Variants in SLC6A11 observed in about 807,000 individuals in gnomAD.
The protein encoded by SLC6A11 is sodium- and chloride-dependent GABA transporter 3.
A neutral mutation model predicts 74.8 loss-of-function variants in SLC6A11; 25 were observed. That is an observed-to-expected ratio of 0.33 (90% CI 0.24 to 0.47). SLC6A11 has a LOEUF of 0.47. SLC6A11 is among the 20% of genes least tolerant of loss of function. The pLI is 1.00. For missense variants in SLC6A11, 574 were observed against 837.0 expected, an observed-to-expected ratio of 0.69 and a Z score of 3.88; for synonymous variants, 330 against 330.2, an observed-to-expected ratio of 1.00 and a Z score of 0.01.
At chr3:10,821,667 G>T (rs934239332) in intron 3 of SLC6A11, among the ~76,000 whole-genome samples, 1 of 151,958 alleles carries the variant, frequency 6.6e-6, no homozygotes, top group Middle Eastern at 3.2e-3. Context: ...TAGTATAGTT[G>T]GTATTTAATT....
At chr3:10,907,971 A>G (rs62238740) in intron 6 of SLC6A11, among the ~76,000 whole-genome samples, 34,507 of 152,094 alleles carry the variant, frequency 0.23, 4,433 homozygotes, top group Admixed American at 0.4. Context: ...CACATTAAGT[A>G]ATGACTATAA....
chr3:10,912,943 G>A (rs745645933), intron 7 of SLC6A11, among the ~76,000 whole-genome samples: 5 of 152,100 alleles, frequency 3.3e-5, no homozygotes, highest in East Asian at 3.8e-4. Context: ...GATGGACAGC[G>A]CATCTCTTCC....
chr3:10,843,022 C>T (rs1003094914), intron 4 of SLC6A11, among the ~76,000 whole-genome samples: 2 of 152,014 alleles, frequency 1.3e-5, no homozygotes, highest in Admixed American at 6.6e-5. Flanking sequence ...CACAGAGTGC[C>T]GAAGCGACTG....
intron 6 of SLC6A11, among the ~76,000 whole-genome samples, chr3:10,885,868 C>T (rs1695036415): frequency 6.6e-6 from 1 of 152,184 alleles, no homozygotes; most frequent in African/African-American, 2.4e-5. Flanking sequence ...GAGCCTTGAG[C>T]GGTCCCACCT....
At chr3:10,857,511 T>C (rs1172256480) in intron 5 of SLC6A11, among the ~76,000 whole-genome samples, 4 of 152,154 alleles carry the variant, frequency 2.6e-5, no homozygotes, top group Admixed American at 2.0e-4. Flanking sequence ...CAACCCCTGA[T>C]GTGTAATGAA....
At position 10,915,233 on chromosome 3, in the gene SLC6A11, T is replaced by C. The variant is rs779225884; in HGVS notation, c.995+3040T>C. 3.9e-5 allele frequency among the ~76,000 whole-genome samples: 6 copies of C among 152,124 alleles called. No individual in the cohort carries two copies. Among genetic ancestry groups the C allele is most frequent in the Non-Finnish European group, 7.3e-5 (5 of 68,030 alleles). On this transcript the variant is annotated intron_variant, in intron 7 of 13. Transcript: ENST00000254488. This position sits in a 1 kb window ranked among gnomAD's most constrained non-coding sequence, Gnocchi z 4.3. ...GGCCAAAACTGCCTTGTCTCCAGCC[T>C]GTGTCTTGGGGCAGTGGCAGCTTCA... is the stretch of plus-strand genomic sequence containing the variant.
chr3:10,871,796 G>T (rs1694831149), intron 5 of SLC6A11, among the ~76,000 whole-genome samples: 1 of 152,096 alleles, frequency 6.6e-6, no homozygotes, highest in African/African-American at 2.4e-5. Context: ...AGATTGTGTT[G>T]ATTACTTGAC....
At chr3:10,932,364 C>T (rs1695699404) in intron 10 of SLC6A11, among the ~76,000 whole-genome samples, 1 of 152,132 alleles carries the variant, frequency 6.6e-6, no homozygotes, top group African/African-American at 2.4e-5. Flanking sequence ...TGGACAAAGC[C>T]AGTTGGACTC....
chr3:10,913,053 CT>C (rs374019258), intron 7 of SLC6A11, among the ~76,000 whole-genome samples: 1,578 of 136,100 alleles, frequency 0.012, 11 homozygotes, highest in Admixed American at 0.02. Flanking sequence ...GGAAGGTTGC[CT>C]TTTTTTTTTT....
chr3:10,841,351 T>G (rs1436310218), intron 4 of SLC6A11, among the ~76,000 whole-genome samples: 1 of 152,094 alleles, frequency 6.6e-6, no homozygotes, highest in African/African-American at 2.4e-5. Flanking sequence ...TCTCCGGAGT[T>G]GAGTGCCCCA....
At chr3:10,842,112 C>T (rs1469369822) in intron 4 of SLC6A11, among the ~76,000 whole-genome samples, 1 of 152,190 alleles carries the variant, frequency 6.6e-6, no homozygotes, top group Non-Finnish European at 1.5e-5. Context: ...CCCTAAAATT[C>T]CTGCAGCATT....
chr3:10,916,946 A>G (rs1695464386), intron 7 of SLC6A11, among the ~76,000 whole-genome samples: 1 of 152,226 alleles, frequency 6.6e-6, no homozygotes, highest in Non-Finnish European at 1.5e-5. Flanking sequence ...GGTGTTAACA[A>G]CCAAGAACAA....
intron 5 of SLC6A11, among the ~76,000 whole-genome samples, chr3:10,866,790 G>A (rs1694768440): frequency 1.3e-5 from 2 of 152,168 alleles, no homozygotes; most frequent in Non-Finnish European, 2.9e-5. Context: ...TACTATTTCT[G>A]TTAGAATGTT....
intron 10 of SLC6A11, among the ~76,000 whole-genome samples, chr3:10,932,940 T>C (rs1695710147): frequency 6.6e-6 from 1 of 152,086 alleles, no homozygotes; most frequent in Non-Finnish European, 1.5e-5. Flanking sequence ...ACAAACCATC[T>C]GCGGTCCCAG....
chr3:10,828,163 C>G (rs1694241316), intron 4 of SLC6A11, among the ~76,000 whole-genome samples: 1 of 152,180 alleles, frequency 6.6e-6, no homozygotes, highest in African/African-American at 2.4e-5. Context: ...GACATTGATT[C>G]ATCTTCACTT....
At chr3:10,836,869 T>C (rs1694373918) in intron 4 of SLC6A11, among the ~76,000 whole-genome samples, 1 of 152,228 alleles carries the variant, frequency 6.6e-6, no homozygotes. Flanking sequence ...AATAAAGTTT[T>C]ATTGGAAGAA....
In SLC6A11 at chr3:10,853,867, C is replaced by T. The variant is rs531272740; in HGVS notation, c.756+9521C>T. On this transcript the variant is annotated intron_variant, in intron 5 of 13. Coordinates refer to ENST00000254488, the MANE Select transcript of SLC6A11 (RefSeq NM_014229.3). ...GCACGTGACAGAGCCAGCACAGCAC[C>T]TTCATGCAGGCATGCCCTGCCTCAC... is the stretch of plus-strand genomic sequence containing the variant. Among the ~76,000 whole-genome samples, 61 of 152,330 alleles carry T rather than the reference C, an allele frequency of 4.0e-4. 1 individual carries two copies. In the Middle Eastern group the frequency reaches 0.014, roughly 34 times the overall value.
chr3:10,908,365 C>T (rs1695337270), intron 6 of SLC6A11, among the ~76,000 whole-genome samples: 1 of 152,072 alleles, frequency 6.6e-6, no homozygotes, highest in African/African-American at 2.4e-5. Flanking sequence ...CAGCAGAGAA[C>T]CAACAGACTG....
At chr3:10,838,192 G>A (rs968609456) in intron 4 of SLC6A11, among the ~76,000 whole-genome samples, 1 of 152,216 alleles carries the variant, frequency 6.6e-6, no homozygotes. Context: ...AGGCTGGAGG[G>A]AGTTCTGCTC....
Sources: gnomAD v4.1 joint callset for allele counts (sites outside exome capture counted in the v4.1 genomes callset) on GRCh38, gnomAD v4.1.1 for gene constraint, Gnocchi (gnomAD v3.1) non-coding constraint, MANE v1.5 for transcripts, NCBI Gene and HGNC (gene_info 2026-07-23, HGNC 2026-07-21) for gene names.